Variants in APBB2 observed in about 807,000 individuals in gnomAD.
APBB2 encodes the protein amyloid beta precursor protein binding family B member 2, also known as Fe65-like 1.
APBB2 carries 38 observed loss-of-function variants against 82.5 expected under a neutral mutation model. The ratio of observed to expected loss-of-function variants is 0.46; its 90% CI spans 0.36 to 0.60. The LOEUF (loss-of-function observed/expected upper bound fraction) is 0.60. Ranked by LOEUF, APBB2 falls within the 20% of genes least tolerant of loss-of-function variation. APBB2 has a pLI of 0.00. For missense variants in APBB2, 772 were observed against 972.3 expected, an observed-to-expected ratio of 0.79 and a Z score of 2.74; for synonymous variants, 341 against 368.2, an observed-to-expected ratio of 0.93 and a Z score of 0.85.
chr4:40,823,236 C>T (rs1355850219), intron 16 of APBB2, among the ~76,000 whole-genome samples: 1 of 152,186 alleles, frequency 6.6e-6, no homozygotes, highest in Non-Finnish European at 1.5e-5. Flanking sequence ...GTGGCCTCTT[C>T]TCAAGACAAC....
chr4:40,950,024 T>A (rs1789650578), intron 6 of APBB2, among the ~76,000 whole-genome samples: 1 of 152,180 alleles, frequency 6.6e-6, no homozygotes, highest in South Asian at 2.1e-4. Flanking sequence ...CCTGGAGGAC[T>A]GGAATTCGGA....
intron 6 of APBB2, among the ~76,000 whole-genome samples, chr4:40,985,937 C>T (rs1157988756): frequency 6.6e-6 from 1 of 152,126 alleles, no homozygotes; most frequent in African/African-American, 2.4e-5. Context: ...TAAGTACAGA[C>T]TTTTTCAACT....
chr4:41,098,434 C>T (rs1334885015), intron 3 of APBB2, among the ~76,000 whole-genome samples: 2 of 152,152 alleles, frequency 1.3e-5, no homozygotes, highest in Admixed American at 6.5e-5. Flanking sequence ...CATCCCACCT[C>T]TGCCCCCCAA....
chr4:40,893,150 G>A, intron 11 of APBB2, 115 bp downstream of exon 11: 2 of 1,278,968 alleles, frequency 1.6e-6, no homozygotes, highest in Non-Finnish European at 2.2e-6. Flanking sequence ...ATGGGAAAAG[G>A]CACCTGATGA....
At chr4:41,192,699 G>A (rs57307432) in intron 1 of APBB2, among the ~76,000 whole-genome samples, 6,134 of 152,226 alleles carry the variant, frequency 0.04, 413 homozygotes, top group African/African-American at 0.14. Flanking sequence ...GGATGAACAA[G>A]ACTAGGAATC....
intron 2 of APBB2, among the ~76,000 whole-genome samples, chr4:41,118,387 C>T (rs138427699): frequency 2.2e-4 from 34 of 152,206 alleles, no homozygotes; most frequent in African/African-American, 7.7e-4. Context: ...TCTAAGCCTC[C>T]GTTTTCCTCA....
rs1232686269 is a variant in APBB2, at chr4:40,975,729, TAAAG to T, written c.836-30660_836-30657del. 1.8e-4 allele frequency among the ~76,000 whole-genome samples: 25 copies of T among 142,412 alleles called. No individual in the cohort carries two copies. In the Admixed American group the frequency reaches 1.8e-3, roughly 10 times the overall value. The allele number at this position is 142,412 out of a possible 152,430, so 93.4% of individuals were successfully genotyped here. A position where few individuals can be genotyped will look rare whatever the true frequency, so the allele number is the denominator to read the frequency against. The stretch of plus-strand genomic sequence containing the variant: ...TGCACACAAACAGCTTTCAGGTAAA[TAAAG>T]AATTTAAATGTAGTAAGAAAACACA... On this transcript the variant is annotated intron_variant, in intron 6 of 17. Coordinates refer to ENST00000508593, the MANE Select transcript of APBB2 (RefSeq NM_004307.2).
At chr4:41,070,561 C>G (rs1025415621) in intron 3 of APBB2, among the ~76,000 whole-genome samples, 1 of 152,190 alleles carries the variant, frequency 6.6e-6, no homozygotes, top group African/African-American at 2.4e-5. Flanking sequence ...CTCGGCCTCC[C>G]AAAGTGCTGG....
chr4:40,962,882 C>T (rs937767032), intron 6 of APBB2, among the ~76,000 whole-genome samples: 2 of 152,184 alleles, frequency 1.3e-5, no homozygotes, highest in African/African-American at 2.4e-5. Flanking sequence ...CACAAATGTA[C>T]CAGTTAACCC....
intron 7 of APBB2, among the ~76,000 whole-genome samples, chr4:40,941,569 A>G (rs1187742771): frequency 6.6e-6 from 1 of 152,204 alleles, no homozygotes; most frequent in Non-Finnish European, 1.5e-5. Context: ...CTCAGTGTCA[A>G]ATGTAAAATG....
At chr4:41,093,636 C>T (rs888865173) in intron 3 of APBB2, among the ~76,000 whole-genome samples, 1 of 152,062 alleles carries the variant, frequency 6.6e-6, no homozygotes, top group Admixed American at 6.6e-5. Context: ...TGCAGATCAC[C>T]TGAGTTCAGG....
chr4:41,057,644 C>G (rs919826853), intron 4 of APBB2, among the ~76,000 whole-genome samples: 6 of 152,126 alleles, frequency 3.9e-5, no homozygotes, highest in Non-Finnish European at 7.4e-5. Flanking sequence ...TTTTTGTGGC[C>G]TTTTGTGCAA....
At chr4:40,890,738 G>C (rs896963681) in intron 11 of APBB2, 1 of 404,314 alleles carries the variant, frequency 2.5e-6, no homozygotes, top group Non-Finnish European at 4.4e-6. Context: ...TTTCCAGGCT[G>C]CTCTTAAATT....
intron 3 of APBB2, among the ~76,000 whole-genome samples, chr4:41,098,610 C>A (rs544737159): frequency 1.3e-5 from 2 of 152,250 alleles, no homozygotes; most frequent in South Asian, 4.1e-4. Context: ...CAAAACACAA[C>A]TTTTACAACA....
At chr4:41,000,071 G>A (rs1804772910) in intron 6 of APBB2, among the ~76,000 whole-genome samples, 2 of 82,096 alleles carry the variant, frequency 2.4e-5, no homozygotes, top group Admixed American at 1.5e-4. Context: ...ATGTGTGTAT[G>A]TGTGTGTGTG....
chr4:41,179,876 G>A (rs1189933476), intron 1 of APBB2, among the ~76,000 whole-genome samples: 1 of 152,226 alleles, frequency 6.6e-6, no homozygotes, highest in Non-Finnish European at 1.5e-5. Flanking sequence ...AAGTAAGGAA[G>A]ACAGCTGCCT....
chr4:40,971,830 AT>A (rs1244687451), intron 6 of APBB2, among the ~76,000 whole-genome samples: 3 of 152,182 alleles, frequency 2.0e-5, no homozygotes, highest in African/African-American at 4.8e-5. Flanking sequence ...AATCCCTTAA[AT>A]TCTTGATCTA....
intron 1 of APBB2, among the ~76,000 whole-genome samples, chr4:41,181,956 A>G (rs968335328): frequency 9.2e-5 from 14 of 151,734 alleles, no homozygotes; most frequent in East Asian, 5.8e-4. Context: ...AAAAAAAAAA[A>G]AAAAAGAAAA....
intron 2 of APBB2, among the ~76,000 whole-genome samples, chr4:41,101,924 A>G (rs911825841): frequency 1.3e-5 from 2 of 151,330 alleles, no homozygotes; most frequent in African/African-American, 4.9e-5. Flanking sequence ...ATGCCACTGC[A>G]CTCCAGCCTG....
Sources: allele counts gnomAD v4.1 joint callset (sites outside exome capture counted in the v4.1 genomes callset), GRCh38; gene constraint gnomAD v4.1.1; transcripts MANE v1.5; gene names NCBI Gene and HGNC (gene_info 2026-07-23, HGNC 2026-07-21).